Variants in ERBB4 observed in about 807,000 individuals in gnomAD.
ERBB4 encodes erb-b2 receptor tyrosine kinase 4.
ERBB4 carries 42 observed loss-of-function variants against 158.0 expected under a neutral mutation model. The observed-to-expected ratio is 0.27, with a 90% CI of 0.21 to 0.34. ERBB4 has a LOEUF of 0.34. Ranked by LOEUF, ERBB4 falls within the 10% of genes least tolerant of loss-of-function variation. The pLI is 1.00. For synonymous variants in ERBB4, 583 were observed against 558.7 expected (o/e 1.04, Z -0.61); for missense variants, 1,333 against 1,624.1 (o/e 0.82, Z 3.08).
At chr2:211,596,520 T>C (rs1429787640) in intron 19 of ERBB4, among the ~76,000 whole-genome samples, 1 of 152,172 alleles carries the variant, frequency 6.6e-6, no homozygotes, top group Non-Finnish European at 1.5e-5. Flanking sequence ...TTTCTCTATG[T>C]GTCAGATGGT....
intron 19 of ERBB4, among the ~76,000 whole-genome samples, chr2:211,613,069 A>T (rs2069260038): frequency 6.6e-6 from 1 of 152,010 alleles, no homozygotes; most frequent in South Asian, 2.1e-4. Flanking sequence ...TGAGATTTCC[A>T]TGTGGCAATA....
intron 1 of ERBB4, among the ~76,000 whole-genome samples, chr2:212,263,994 T>C (rs1185907173): frequency 2.0e-5 from 3 of 152,164 alleles, no homozygotes; most frequent in Non-Finnish European, 4.4e-5. Context: ...GCTGTGGTCA[T>C]GTTGTGTACA....
At chr2:211,639,069 T>A (rs569621056) in intron 16 of ERBB4, among the ~76,000 whole-genome samples, 1 of 152,152 alleles carries the variant, frequency 6.6e-6, no homozygotes, top group Admixed American at 6.5e-5. Flanking sequence ...TTTAACAGGG[T>A]TTTTAAGAGG....
chr2:212,155,655 G>GA (rs2081014012), intron 1 of ERBB4, among the ~76,000 whole-genome samples: 1 of 151,796 alleles, frequency 6.6e-6, no homozygotes, highest in African/African-American at 2.4e-5. Flanking sequence ...CTTGAGATGG[G>GA]AAAAAAATAC....
At chr2:211,984,196 C>T (rs1473325663) in intron 2 of ERBB4, among the ~76,000 whole-genome samples, 3 of 151,954 alleles carry the variant, frequency 2.0e-5, no homozygotes, top group Non-Finnish European at 4.4e-5. Context: ...TAATGAGAGC[C>T]CTTTCATATG....
intron 9 of ERBB4, among the ~76,000 whole-genome samples, chr2:211,706,834 T>C (rs2073462521): frequency 6.6e-6 from 1 of 152,088 alleles, no homozygotes; most frequent in Non-Finnish European, 1.5e-5. Flanking sequence ...AAGCTTAAAG[T>C]CTCAATGAAA....
At chr2:212,151,790 G>A (rs953236471) in intron 1 of ERBB4, among the ~76,000 whole-genome samples, 25 of 152,116 alleles carry the variant, frequency 1.6e-4, no homozygotes, top group African/African-American at 5.6e-4. Context: ...TCAAGAGGCT[G>A]AGGCACGAGA....
chr2:212,355,523 T>TA (rs564502474), intron 1 of ERBB4, among the ~76,000 whole-genome samples: 128 of 152,124 alleles, frequency 8.4e-4, no homozygotes, highest in African/African-American at 3.0e-3. Context: ...CCAGGGGAGA[T>TA]AAGAAATCAC....
chr2:211,704,294 A>C lies in ERBB4; in HGVS notation c.1199-100T>G. The C allele has an allele frequency of 3.7e-6, 3 of 801,176 alleles. No homozygotes were observed. The East Asian group carries it at 7.3e-5, about 20-fold the overall frequency. The allele number at this position is 801,176 out of a possible 1,614,324, so 49.6% of individuals were successfully genotyped here. ...GGTGAAAATGTGTTGAAAGTTGGGA[A>C]GTGAGAAAGGGGTAGTGAACATTTC... On this transcript the variant is annotated intron_variant, in intron 10 of 27. Transcript: ENST00000342788.
intron 1 of ERBB4, among the ~76,000 whole-genome samples, chr2:212,367,194 C>T (rs1308341556): frequency 6.6e-6 from 1 of 152,040 alleles, no homozygotes; most frequent in African/African-American, 2.4e-5. Context: ...CCTATCTTGC[C>T]AGCATCTTGA....
intron 3 of ERBB4, among the ~76,000 whole-genome samples, chr2:211,940,116 T>C (rs1448019935): frequency 1.3e-5 from 2 of 152,160 alleles, no homozygotes; most frequent in African/African-American, 2.4e-5. Context: ...CCCAGCATTG[T>C]TGTGCCTCCC....
At chr2:212,057,738 C>A (rs545648138) in intron 2 of ERBB4, among the ~76,000 whole-genome samples, 1 of 152,250 alleles carries the variant, frequency 6.6e-6, no homozygotes, top group African/African-American at 2.4e-5. Flanking sequence ...CCAGTGAGAA[C>A]AAAGACACAA....
chr2:212,279,002 C>T (rs1476813159), intron 1 of ERBB4, among the ~76,000 whole-genome samples: 4 of 151,492 alleles, frequency 2.6e-5, no homozygotes, highest in African/African-American at 9.7e-5. Flanking sequence ...ATAAATTTCA[C>T]ACTTTGTTAG....
intron 1 of ERBB4, among the ~76,000 whole-genome samples, chr2:212,414,143 G>A (rs1036637101): frequency 2.0e-5 from 3 of 151,992 alleles, no homozygotes; most frequent in Non-Finnish European, 4.4e-5. Context: ...ATATCTCATG[G>A]GAATTCATCT....
intron 25 of ERBB4, among the ~76,000 whole-genome samples, chr2:211,402,153 A>G (rs1192338442): frequency 6.6e-6 from 1 of 152,162 alleles, no homozygotes; most frequent in East Asian, 1.9e-4. Context: ...TTTATCATGT[A>G]TAAATATATC....
chr2:212,517,241 G>C (rs1046217964), intron 1 of ERBB4, among the ~76,000 whole-genome samples: 19 of 152,066 alleles, frequency 1.2e-4, no homozygotes, highest in African/African-American at 4.6e-4. Flanking sequence ...GTGTCAGAAA[G>C]AGTAGACAGC....
chr2:212,056,870 C>A (rs953590798), intron 2 of ERBB4, among the ~76,000 whole-genome samples: 4 of 152,176 alleles, frequency 2.6e-5, no homozygotes, highest in Non-Finnish European at 4.4e-5. Context: ...ATGGCATCAA[C>A]TAATGAGCAA....
At chr2:211,821,477 A>C (rs2076993572) in intron 3 of ERBB4, among the ~76,000 whole-genome samples, 1 of 151,994 alleles carries the variant, frequency 6.6e-6, no homozygotes, top group Admixed American at 6.6e-5. Context: ...TGCACTCCCT[A>C]TCAAAATATC....
intron 1 of ERBB4, among the ~76,000 whole-genome samples, chr2:212,178,904 T>C (rs1340638159): frequency 6.6e-6 from 1 of 151,730 alleles, no homozygotes; most frequent in Non-Finnish European, 1.5e-5. Flanking sequence ...AATATTGGCT[T>C]TTCCATAGAA....
Sources: gnomAD v4.1 joint callset for allele counts (sites outside exome capture counted in the v4.1 genomes callset) on GRCh38, gnomAD v4.1.1 for gene constraint, MANE v1.5 for transcripts, NCBI Gene and HGNC (gene_info 2026-07-23, HGNC 2026-07-21) for gene names.